Variants in MBD2 observed in about 807,000 individuals in gnomAD.
MBD2 encodes the protein methyl-CpG-binding domain protein 2.
A neutral mutation model predicts 39.3 loss-of-function variants in MBD2; 9 were observed. That is an observed-to-expected ratio of 0.23 (90% CI 0.14 to 0.40). MBD2 has a LOEUF of 0.40. MBD2 is among the 10% of genes least tolerant of loss of function. The pLI, the probability that MBD2 is intolerant of heterozygous loss-of-function variation, is 1.00. For synonymous variants in MBD2, 233 were observed against 211.1 expected (o/e 1.10, Z -0.90); for missense variants, 458 against 532.6 (o/e 0.86, Z 1.38).
At chr18:54,177,923 T>G (rs528920552) in intron 3 of MBD2, among the ~76,000 whole-genome samples, 1 of 138,474 alleles carries the variant, frequency 7.2e-6, no homozygotes, top group South Asian at 2.4e-4. Flanking sequence ...CGCTGCAACC[T>G]GCAACTCCGG....
intron 4 of MBD2, among the ~76,000 whole-genome samples, chr18:54,164,967 G>T (rs1007129537): frequency 1.3e-5 from 2 of 152,120 alleles, no homozygotes; most frequent in Non-Finnish European, 2.9e-5. Flanking sequence ...TTATAGCTGA[G>T]CATTTTAATA....
intron 5 of MBD2, 128 bp from the exon 6 acceptor site, chr18:54,160,031 T>G (rs1352057182): frequency 1.8e-6 from 2 of 1,102,442 alleles, no homozygotes; most frequent in Non-Finnish European, 2.5e-6. Context: ...CTTTTCAGAT[T>G]TTTGCAGAGG....
chr18:54,187,588 G>A (rs575110952), intron 3 of MBD2: 466 of 582,206 alleles, frequency 8.0e-4, no homozygotes, highest in Admixed American at 1.4e-3. Flanking sequence ...CACTGGGTGT[G>A]GTAGTAAAAC....
intron 2 of MBD2, among the ~76,000 whole-genome samples, chr18:54,200,636 T>A (rs1402635544): frequency 1.3e-5 from 2 of 151,114 alleles, no homozygotes; most frequent in Admixed American, 1.3e-4. Context: ...CAAACATAAA[T>A]CCCTAAACAA....
chr18:54,158,008 A>T (rs771070154), intron 6 of MBD2, among the ~76,000 whole-genome samples: 4 of 151,952 alleles, frequency 2.6e-5, no homozygotes, highest in African/African-American at 9.7e-5. Flanking sequence ...CTTGCTTCCA[A>T]GCTTTCCCTA....
chr18:54,187,727 A>T, intron 3 of MBD2: 1 of 985,886 alleles, frequency 1.0e-6, no homozygotes, highest in Non-Finnish European at 1.2e-6. Flanking sequence ...GCCCCTGTTG[A>T]ATCTCTTGGG....
Position 54,186,463 on chromosome 18 carries a change from T to C in MBD2, c.840+2411A>G, listed in dbSNP as rs1354948854. 2.0e-5 allele frequency among the ~76,000 whole-genome samples: 3 copies of C among 152,172 alleles called. No homozygotes were observed. In the East Asian group the frequency reaches 5.8e-4, roughly 29 times the overall value. ...AGCTGATTAGCAGTCATCTACCATA[T>C]GTATATCAAAATAGAATTAAAACCA... is the stretch of plus-strand genomic sequence containing the variant. On this transcript the variant is annotated intron_variant, in intron 3 of 6. Transcript: ENST00000256429.
chr18:54,166,539 T>G (rs1568079255), intron 3 of MBD2, among the ~76,000 whole-genome samples: 1 of 152,170 alleles, frequency 6.6e-6, no homozygotes, highest in South Asian at 2.1e-4. Context: ...AGAAAACAAA[T>G]TACGTGATGT....
At chr18:54,197,363 A>G (rs1415450647) in intron 2 of MBD2, among the ~76,000 whole-genome samples, 1 of 151,944 alleles carries the variant, frequency 6.6e-6, no homozygotes, top group Non-Finnish European at 1.5e-5. Context: ...CTTAAACCTC[A>G]CCTAGTACTA....
In MBD2 at chr18:54,168,613, T is replaced by TTGTGTG. The variant is rs60604906; in HGVS notation, c.841-2453_841-2448dup. On this transcript the variant is annotated intron_variant, in intron 3 of 6. Transcript: ENST00000256429. The stretch of plus-strand genomic sequence containing the variant: ...TATATATATATTTATGTATGCATAT[T>TTGTGTG]TGTGTGTGTGTGTGTGTGTGTGTGT... 8.8e-4 allele frequency among the ~76,000 whole-genome samples: 103 copies of TTGTGTG among 117,160 alleles called. 1 individual carries two copies. The highest frequency in any genetic ancestry group is 1.1e-3 in the Non-Finnish European group (67 of 58,394). The allele number at this position is 117,160 out of a possible 152,430, so 76.9% of individuals were successfully genotyped here.
At chr18:54,201,016 C>G (rs533161392) in intron 2 of MBD2, among the ~76,000 whole-genome samples, 2 of 151,122 alleles carry the variant, frequency 1.3e-5, no homozygotes, top group African/African-American at 2.4e-5. Context: ...GGAGGCAGAG[C>G]TTGCAGTGAG....
chr18:54,220,534 A>T (rs966697269), intron 1 of MBD2, among the ~76,000 whole-genome samples: 1 of 152,218 alleles, frequency 6.6e-6, no homozygotes, highest in Non-Finnish European at 1.5e-5. Flanking sequence ...CCCTACATTA[A>T]CAGGCACAGA....
chr18:54,158,423 TC>T (rs760537865), intron 6 of MBD2, among the ~76,000 whole-genome samples: 1 of 152,258 alleles, frequency 6.6e-6, no homozygotes, highest in East Asian at 1.9e-4. Flanking sequence ...TGTTTTGGCT[TC>T]AAAGGAAACT....
chr18:54,158,889 A>C, intron 6 of MBD2, among the ~76,000 whole-genome samples: 1 of 152,184 alleles, frequency 6.6e-6, no homozygotes, highest in Non-Finnish European at 1.5e-5. Context: ...TGGCATGCCA[A>C]AGCGCTGAGA....
At chr18:54,209,139 C>CA (rs1433252878) in intron 1 of MBD2, among the ~76,000 whole-genome samples, 9 of 151,514 alleles carry the variant, frequency 5.9e-5, no homozygotes, top group African/African-American at 2.2e-4. Flanking sequence ...TAATAAAATA[C>CA]AAAAAAATTA....
At chr18:54,167,333 C>G (rs1200592047) in intron 3 of MBD2, among the ~76,000 whole-genome samples, 1 of 152,202 alleles carries the variant, frequency 6.6e-6, no homozygotes, top group Non-Finnish European at 1.5e-5. Flanking sequence ...GAAATCTCAG[C>G]TGCAACACTC....
chr18:54,206,433 A>T (rs996746125), intron 1 of MBD2, among the ~76,000 whole-genome samples: 1 of 152,236 alleles, frequency 6.6e-6, no homozygotes, highest in Admixed American at 6.5e-5. Flanking sequence ...AATACTTCTC[A>T]AAGAAGCCAA....
At chr18:54,218,227 T>C (rs2086578253) in intron 1 of MBD2, among the ~76,000 whole-genome samples, 1 of 152,226 alleles carries the variant, frequency 6.6e-6, no homozygotes, top group Non-Finnish European at 1.5e-5. Flanking sequence ...AGAATATTTC[T>C]GAACAAATTG....
At chr18:54,186,859 G>GT (rs1568085022) in intron 3 of MBD2, among the ~76,000 whole-genome samples, 3 of 152,194 alleles carry the variant, frequency 2.0e-5, no homozygotes, top group Non-Finnish European at 2.9e-5. Flanking sequence ...TTGAAATGAC[G>GT]TAAGTTTTTT....
Sources: gnomAD v4.1 joint callset for allele counts (sites outside exome capture counted in the v4.1 genomes callset) on GRCh38, gnomAD v4.1.1 for gene constraint, MANE v1.5 for transcripts, NCBI Gene and HGNC (gene_info 2026-07-23, HGNC 2026-07-21) for gene names.